NTRK2: variants seen among roughly 807,000 people sequenced by gnomAD.
NTRK2 encodes BDNF/NT-3 growth factors receptor.
A neutral mutation model predicts 94.5 loss-of-function variants in NTRK2; 13 were observed. That is an observed-to-expected ratio of 0.14 (90% confidence interval 0.09 to 0.22). NTRK2 has a LOEUF of 0.22. Among genes scored for constraint, NTRK2 ranks in the 10% least tolerant of loss-of-function variants. The probability of loss-of-function intolerance (pLI) is 1.00; values close to 1 mark genes in which losing one functional copy is unlikely to be tolerated. For missense variants in NTRK2, 639 were observed against 1,071.2 expected (o/e 0.60, Z 5.63); for synonymous variants, 372 against 407.4 (o/e 0.91, Z 1.05).
At chr9:84,797,700 T>C (rs1588667463) in intron 12 of NTRK2, among the ~76,000 whole-genome samples, 1 of 82,714 alleles carries the variant, frequency 1.2e-5, no homozygotes, top group Non-Finnish European at 2.2e-5. Context: ...ATATATATTA[T>C]ATATACTATA....
At chr9:84,742,499 T>C (rs2063722473) in intron 10 of NTRK2, among the ~76,000 whole-genome samples, 1 of 152,116 alleles carries the variant, frequency 6.6e-6, no homozygotes, top group Non-Finnish European at 1.5e-5. Context: ...GCTGCTGCCA[T>C]TCACAAGGAT....
At chr9:84,673,606 AC>A (rs1221342386) in intron 2 of NTRK2, among the ~76,000 whole-genome samples, 1 of 152,182 alleles carries the variant, frequency 6.6e-6, no homozygotes, top group Non-Finnish European at 1.5e-5. Context: ...TATATATTAA[AC>A]CATCATGCCC....
At chr9:84,999,206 G>A (rs1401200803) in intron 17 of NTRK2, among the ~76,000 whole-genome samples, 1 of 151,920 alleles carries the variant, frequency 6.6e-6, no homozygotes, top group Non-Finnish European at 1.5e-5. Flanking sequence ...ACTTTTGGTG[G>A]CCCCAAATTA....
intron 2 of NTRK2, among the ~76,000 whole-genome samples, chr9:84,695,403 T>A (rs944414737): frequency 1.3e-5 from 2 of 152,242 alleles, no homozygotes. Flanking sequence ...TGAAACCTTT[T>A]AAAATGTAAT....
At chr9:84,927,138 ATTTTGTAAATTAT>A (rs2077849156) in intron 14 of NTRK2, among the ~76,000 whole-genome samples, 1 of 152,310 alleles carries the variant, frequency 6.6e-6, no homozygotes, top group South Asian at 2.1e-4. Context: ...AGTAGCCAAA[ATTTTGTAAATTAT>A]TGTGTTTTCT....
Position 84,916,037 on chromosome 9 carries a change from C to T in NTRK2, c.1634-18125C>T, listed in dbSNP as rs2077382674. Among the ~76,000 whole-genome samples, 3 of 152,038 alleles carry T rather than the reference C, an allele frequency of 2.0e-5. No homozygotes were observed. The South Asian group carries it at 6.3e-4, about 32-fold the overall frequency. On this transcript the variant is annotated intron_variant, in intron 14 of 18. Coordinates refer to ENST00000277120, the MANE Select transcript of NTRK2 (RefSeq NM_006180.6). The stretch of plus-strand genomic sequence containing the variant: ...GGTCCAAATTGGGGAGCTCACCTGG[C>T]TAAAATCTGGCATTTGAAATCTATC...
chr9:84,673,818 A>G lies in NTRK2; in HGVS notation c.212+2858A>G, dbSNP rs961797927. 6.6e-5 allele frequency among the ~76,000 whole-genome samples: 10 copies of G among 152,240 alleles called. 1 individual carries two copies. Among genetic ancestry groups the G allele is most frequent in the Non-Finnish European group, 1.5e-5 (1 of 68,048 alleles). On this transcript the variant is annotated intron_variant, in intron 2 of 18. Coordinates refer to ENST00000277120, the MANE Select transcript of NTRK2 (RefSeq NM_006180.6). ...TTTATATTTTTTGCCCACTAATGTG[A>G]CATAACTAGATCAATATCTATCTAT...
At chr9:84,923,903 CA>C (rs112673384) in intron 14 of NTRK2, among the ~76,000 whole-genome samples, 7,990 of 133,730 alleles carry the variant, frequency 0.06, 278 homozygotes, top group Admixed American at 0.12. Context: ...GACTCCATCT[CA>C]AAAAAAAAAA....
chr9:84,706,968 A>G (rs964313046), intron 4 of NTRK2, among the ~76,000 whole-genome samples: 24 of 152,268 alleles, frequency 1.6e-4, no homozygotes, highest in African/African-American at 5.3e-4. Flanking sequence ...TTTTACATTC[A>G]TTTTATTTAT....
intron 4 of NTRK2, among the ~76,000 whole-genome samples, chr9:84,706,671 A>G (rs867187892): frequency 6.6e-6 from 1 of 151,806 alleles, no homozygotes; most frequent in Non-Finnish European, 1.5e-5. Context: ...TTGGGACTAC[A>G]GGTGCCCGCC....
chr9:84,988,445 A>AAC (rs1001145263), intron 17 of NTRK2, among the ~76,000 whole-genome samples: 1 of 146,478 alleles, frequency 6.8e-6, no homozygotes, highest in South Asian at 2.2e-4. Flanking sequence ...CTTTCACACA[A>AAC]ACACACACAC....
In NTRK2 at chr9:84,797,602, T is replaced by G. The variant is rs559513646; in HGVS notation, c.1396+45517T>G. Among the ~76,000 whole-genome samples the G allele has an allele frequency of 1.1e-3, 87 of 80,796 alleles. 1 individual carries two copies. Among genetic ancestry groups the G allele is most frequent in the Middle Eastern group, 5.5e-3 (1 of 182 alleles). The allele number at this position is 80,796 out of a possible 152,430, so 53.0% of individuals were successfully genotyped here. Reference sequence around the variant, plus strand: ...TTATATATACTATATATACTATATATTATATATAATATATATACTATATAT... The same window carrying G: ...TTATATATACTATATATACTATATAGTATATATAATATATATACTATATAT... On this transcript the variant is annotated intron_variant, in intron 12 of 18. Coordinates refer to ENST00000277120, the MANE Select transcript of NTRK2 (RefSeq NM_006180.6).
chr9:84,815,690 G>T (rs200662722), intron 12 of NTRK2: 1 of 1,009,344 alleles, frequency 9.9e-7, no homozygotes, highest in African/African-American at 1.7e-5. Flanking sequence ...AGCCAATAAA[G>T]TTTGATAATT....
intron 14 of NTRK2, among the ~76,000 whole-genome samples, chr9:84,885,074 G>T (rs1194983410): frequency 2.0e-5 from 3 of 152,232 alleles, no homozygotes; most frequent in Non-Finnish European, 4.4e-5. Context: ...GCTGTAGAAA[G>T]AAGTAGGGCA....
chr9:84,882,719 TGCGC>T lies in NTRK2; in HGVS notation c.1633+15299_1633+15302del, dbSNP rs1554762159. On this transcript the variant is annotated intron_variant, in intron 14 of 18. Transcript: ENST00000277120. ...TCTAGTGTGTGTGTGTGTGTGTGTG[TGCGC>T]GCGCGCGCGCATGTGTGCATTATAA... 2.5e-3 allele frequency among the ~76,000 whole-genome samples: 359 copies of T among 145,822 alleles called. 1 individual carries two copies. The highest frequency in any genetic ancestry group is 7.1e-3 in the African/African-American group (269 of 37,970).
At chr9:84,672,344 C>T (rs1449865858) in intron 2 of NTRK2, among the ~76,000 whole-genome samples, 2 of 152,142 alleles carry the variant, frequency 1.3e-5, no homozygotes, top group African/African-American at 4.8e-5. Context: ...GCTAGGATCT[C>T]TATCTTTTTG....
chr9:84,717,211 A>G (rs562114520), intron 6 of NTRK2, among the ~76,000 whole-genome samples: 1 of 152,358 alleles, frequency 6.6e-6, no homozygotes, highest in African/African-American at 2.4e-5. Flanking sequence ...TGATGACCCA[A>G]CATGAAATGA....
rs200744112 is a variant in NTRK2, at chr9:84,948,648, G to A, written c.1937+14G>A. 321 of 1,613,436 alleles carry A rather than the reference G, an allele frequency of 2.0e-4. No homozygotes were observed. The highest frequency in any genetic ancestry group is 2.6e-4 in the Non-Finnish European group (305 of 1,179,470). On this transcript the variant is annotated intron_variant, in intron 16 of 18. Coordinates refer to ENST00000277120, the MANE Select transcript of NTRK2 (RefSeq NM_006180.6). ...CAAGTTCCTCAGGTACAGTGAGGCG[G>A]GGAGGTGGGCTCCAGGAGGGAGCAG...
At chr9:84,978,647 A>G (rs1827203246) in intron 17 of NTRK2, among the ~76,000 whole-genome samples, 1 of 152,200 alleles carries the variant, frequency 6.6e-6, no homozygotes. Context: ...GCACTAAACA[A>G]CAGATTTTCA....
Sources: allele counts gnomAD v4.1 joint callset (sites outside exome capture counted in the v4.1 genomes callset), GRCh38; gene constraint gnomAD v4.1.1; transcripts MANE v1.5; gene names NCBI Gene and HGNC (gene_info 2026-07-23, HGNC 2026-07-21).